The following ADAMTS17 variants were observed in gnomAD, a reference collection of about 807,000 sequenced individuals.
The protein encoded by ADAMTS17 is A disintegrin and metalloproteinase with thrombospondin motifs 17.
ADAMTS17 carries 113 observed loss-of-function variants against 141.5 expected under a neutral mutation model. That is an observed-to-expected ratio of 0.80 (90% confidence interval 0.69 to 0.93). ADAMTS17 has a LOEUF of 0.93. Ranked by LOEUF, ADAMTS17 falls within the 40% of genes least tolerant of loss-of-function variation. The probability of loss-of-function intolerance (pLI) is 0.00; values close to 1 mark genes in which losing one functional copy is unlikely to be tolerated. For missense variants in ADAMTS17, 1,659 were observed against 1,517.9 expected (o/e 1.09, Z -1.54); for synonymous variants, 768 against 630.6 (o/e 1.22, Z -3.27).
rs2060269594 is a variant in ADAMTS17, at chr15:99,974,147, A to G, written c.*255T>C. On this transcript the variant is annotated 3_prime_UTR_variant, in exon 22 of 22. Transcript: ENST00000268070. ...TGCCAGAGGTGCTTCCCTTCGAGGTACCTGAAATCCTAGAAATTGAAGTTA... is the reference window on the plus strand; with the variant it reads ...TGCCAGAGGTGCTTCCCTTCGAGGTGCCTGAAATCCTAGAAATTGAAGTTA... The G allele has an allele frequency of 1.8e-6, 1 of 545,694 alleles. No individual in the cohort carries two copies. The highest frequency in any genetic ancestry group is 3.1e-5 in the Admixed American group (1 of 32,280). The allele number at this position is 545,694 out of a possible 1,614,324, so 33.8% of individuals were successfully genotyped here. A position where few individuals can be genotyped will look rare whatever the true frequency, so the allele number is the denominator to read the frequency against.
intron 18 of ADAMTS17, among the ~76,000 whole-genome samples, chr15:100,011,027 G>A (rs1203909320): frequency 2.0e-5 from 3 of 151,966 alleles, no homozygotes; most frequent in Admixed American, 1.3e-4. Flanking sequence ...GCGGTTCTAC[G>A]TGCAGAGAGG....
intron 8 of ADAMTS17, among the ~76,000 whole-genome samples, chr15:100,198,639 GAAC>G (rs1418865516): frequency 1.3e-5 from 2 of 152,150 alleles, no homozygotes; most frequent in Admixed American, 1.3e-4. Context: ...CTAGGAAAAA[GAAC>G]AACCCTCAGG....
intron 8 of ADAMTS17, among the ~76,000 whole-genome samples, chr15:100,193,599 C>T (rs897745260): frequency 1.3e-5 from 2 of 152,200 alleles, no homozygotes; most frequent in African/African-American, 4.8e-5. Flanking sequence ...GAGAGCTTTC[C>T]TGAGCTTCCT....
intron 15 of ADAMTS17, among the ~76,000 whole-genome samples, chr15:100,094,833 C>G (rs1167853070): frequency 1.3e-5 from 2 of 152,134 alleles, no homozygotes; most frequent in Non-Finnish European, 2.9e-5. Flanking sequence ...CATGGGAGCC[C>G]AGGAGCTGGG....
chr15:100,325,660 G>A (rs77275425), intron 3 of ADAMTS17, among the ~76,000 whole-genome samples: 1,745 of 152,136 alleles, frequency 0.011, 80 homozygotes, highest in Admixed American at 0.081. Flanking sequence ...TCACCTCTTC[G>A]CTCTCTCTCG....
At chr15:100,007,980 C>T (rs549071380) in intron 18 of ADAMTS17, among the ~76,000 whole-genome samples, 63 of 152,086 alleles carry the variant, frequency 4.1e-4, no homozygotes, top group African/African-American at 1.2e-3. Context: ...AGGGGGTGAC[C>T]GCCAGGTCAG....
intron 20 of ADAMTS17, chr15:99,978,363 C>G (rs7164441): frequency 0.66 from 99,599 of 152,058 alleles, 32,792 homozygotes; most frequent in Non-Finnish European, 0.67. Flanking sequence ...AGGGGCACTG[C>G]TTTTTTCAGC....
chr15:100,189,352 G>C (rs530192660), intron 8 of ADAMTS17, among the ~76,000 whole-genome samples: 1 of 152,234 alleles, frequency 6.6e-6, no homozygotes, highest in African/African-American at 2.4e-5. Context: ...AGTAAGCCGA[G>C]TGTGGACCAA....
chr15:100,140,801 G>A (rs574064272), intron 10 of ADAMTS17, among the ~76,000 whole-genome samples: 2 of 152,122 alleles, frequency 1.3e-5, no homozygotes, highest in Admixed American at 6.5e-5. Flanking sequence ...ATGCATTCTC[G>A]GTGTGAGTGT....
At chr15:100,258,151 G>C (rs1030637197) in intron 6 of ADAMTS17, among the ~76,000 whole-genome samples, 1 of 152,152 alleles carries the variant, frequency 6.6e-6, no homozygotes, top group African/African-American at 2.4e-5. Flanking sequence ...CCACCTCTTG[G>C]CTGTCATGAA....
chr15:100,027,875 G>A (rs1484155359), intron 18 of ADAMTS17, among the ~76,000 whole-genome samples: 8 of 152,212 alleles, frequency 5.3e-5, no homozygotes, highest in African/African-American at 1.7e-4. Context: ...TCATGAGTCA[G>A]AAGGAGTGGG....
At chr15:100,048,820 C>T (rs754978170) in intron 18 of ADAMTS17, 37 bp downstream of exon 18, 9 of 1,613,926 alleles carry the variant, frequency 5.6e-6, no homozygotes, top group Non-Finnish European at 5.9e-6. Context: ...CCGCCCCAGA[C>T]TCTGGTGGGT....
chr15:100,117,063 C>G, intron 12 of ADAMTS17, 50 bp from the exon 13 acceptor site: 1 of 1,551,232 alleles, frequency 6.4e-7, no homozygotes, highest in Non-Finnish European at 8.7e-7. Flanking sequence ...GACCAAAGGG[C>G]AGGAGAGCTG....
At chr15:100,139,501 C>G (rs2038516216) in intron 10 of ADAMTS17, among the ~76,000 whole-genome samples, 1 of 152,324 alleles carries the variant, frequency 6.6e-6, no homozygotes, top group East Asian at 1.9e-4. Flanking sequence ...AGACAGTGCC[C>G]TGCAACAAAG....
Position 99,993,460 on chromosome 15 carries a change from T to C in ADAMTS17, c.2797-260A>G, listed in dbSNP as rs1307126994. The stretch of plus-strand genomic sequence containing the variant: ...AACCTGGGGTACTCATAAGGTCACA[T>C]GAGGGGAGTGGAATTCAGTGGCCAC... On this transcript the variant is annotated intron_variant, in intron 19 of 21. Coordinates refer to ENST00000268070, the MANE Select transcript of ADAMTS17 (RefSeq NM_139057.4). This position sits in a 1 kb window ranked among gnomAD's most constrained non-coding sequence, Gnocchi z 4.3. Among the ~76,000 whole-genome samples the C allele has an allele frequency of 6.6e-6, 1 of 151,936 alleles. No homozygotes were observed. Among genetic ancestry groups the C allele is most frequent in the Non-Finnish European group, 1.5e-5 (1 of 67,994 alleles).
At position 100,341,164 on chromosome 15, in the gene ADAMTS17, C is replaced by A; in HGVS notation, c.325G>T (p.Val109Leu). 6.8e-7 allele frequency: 1 copy of A among 1,464,004 alleles called. No homozygotes were observed. The allele number at this position is 1,464,004 out of a possible 1,614,324, so 90.7% of individuals were successfully genotyped here. A position where few individuals can be genotyped will look rare whatever the true frequency, so the allele number is the denominator to read the frequency against. ...DLRFLSRGFE[V>L]EEAGAARRRG... is the part of the protein sequence containing the mutation. ...CGCCGGGCCGCGCCCGCCTCCTCCA[C>A]CTCGAAGCCTCGGGACAGGAAGCGC... is the stretch of plus-strand genomic sequence containing the variant. Residue 109 changes from valine (V) to leucine (L), a missense_variant, in exon 2 of 22, where the codon GTG (valine) becomes TTG (leucine). Transcript: ENST00000268070.
chr15:100,321,838 G>C (rs964759581), intron 3 of ADAMTS17, among the ~76,000 whole-genome samples: 3 of 152,224 alleles, frequency 2.0e-5, no homozygotes, highest in Non-Finnish European at 1.5e-5. Flanking sequence ...ACTAACTTCA[G>C]TAAATGGGCA....
chr15:100,079,419 T>C (rs558617068), intron 15 of ADAMTS17, among the ~76,000 whole-genome samples: 2 of 152,272 alleles, frequency 1.3e-5, no homozygotes, highest in African/African-American at 2.4e-5. Context: ...GAAAATACTA[T>C]GCTAAGGGAA....
chr15:100,146,281 A>C (rs2038899445), intron 10 of ADAMTS17, among the ~76,000 whole-genome samples: 1 of 152,248 alleles, frequency 6.6e-6, no homozygotes, highest in South Asian at 2.1e-4. Flanking sequence ...GACCGGCTGA[A>C]GCCATGGCAG....
Sources: allele counts gnomAD v4.1 joint callset (sites outside exome capture counted in the v4.1 genomes callset), GRCh38; gene constraint gnomAD v4.1.1; non-coding constraint Gnocchi (gnomAD v3.1); transcripts MANE v1.5; gene names NCBI Gene and HGNC (gene_info 2026-07-23, HGNC 2026-07-21).